FRMPD1: variants seen among roughly 807,000 people sequenced by gnomAD.
FRMPD1 encodes FERM and PDZ domain containing 1.
A neutral mutation model predicts 117.8 loss-of-function variants in FRMPD1; 76 were observed. The ratio of observed to expected loss-of-function variants is 0.65; its 90% CI spans 0.54 to 0.78. The LOEUF (loss-of-function observed/expected upper bound fraction) is 0.78. Among genes scored for constraint, FRMPD1 ranks in the 30% least tolerant of loss-of-function variants. FRMPD1 has a pLI of 0.00. For synonymous variants in FRMPD1, 783 were observed against 770.4 expected (o/e 1.02, Z -0.27); for missense variants, 1,786 against 1,964.5 (o/e 0.91, Z 1.72).
chr9:37,614,488 G>A, the FRMPD1 span, among the ~76,000 whole-genome samples: 1 of 152,200 alleles, frequency 6.6e-6, no homozygotes, highest in African/African-American at 2.4e-5. Flanking sequence ...CAAAAGGCAT[G>A]GTGTGGACAA....
At chr9:37,632,320 C>T in the FRMPD1 span, among the ~76,000 whole-genome samples, 1 of 152,152 alleles carries the variant, frequency 6.6e-6, no homozygotes, top group Non-Finnish European at 1.5e-5. Flanking sequence ...TGGGCCTATT[C>T]GTGGTGTTTT....
chr9:37,694,796 T>G (rs1261994301), intron 2 of FRMPD1, among the ~76,000 whole-genome samples: 2 of 152,214 alleles, frequency 1.3e-5, no homozygotes, highest in African/African-American at 4.8e-5. Flanking sequence ...CTTAGCATAA[T>G]ATATTATTTT....
intron 1 of FRMPD1, among the ~76,000 whole-genome samples, chr9:37,674,813 A>G (rs999585631): frequency 3.9e-5 from 6 of 152,284 alleles, no homozygotes; most frequent in South Asian, 2.1e-4. Context: ...ACTAGCCCCT[A>G]TGATTCAGTT....
intron 6 of FRMPD1, among the ~76,000 whole-genome samples, chr9:37,722,439 C>T (rs898280221): frequency 6.6e-6 from 1 of 152,142 alleles, no homozygotes; most frequent in African/African-American, 2.4e-5. Context: ...TGGAGTTTTG[C>T]TCCTGTCGCC....
At chr9:37,640,432 G>T in the FRMPD1 span, among the ~76,000 whole-genome samples, 3 of 152,164 alleles carry the variant, frequency 2.0e-5, no homozygotes, top group Non-Finnish European at 4.4e-5. Context: ...CTGCACTAAT[G>T]GACACATTAG....
At chr9:37,659,552 T>C (rs1820934606) in intron 1 of FRMPD1, among the ~76,000 whole-genome samples, 2 of 152,116 alleles carry the variant, frequency 1.3e-5, no homozygotes, top group South Asian at 4.2e-4. Context: ...TTCTCAGACG[T>C]AGGGAAGATC....
chr9:37,692,500 T>G (rs1240780229), intron 1 of FRMPD1, 138 bp from the exon 2 acceptor site: 30 of 660,828 alleles, frequency 4.5e-5, no homozygotes, highest in Middle Eastern at 3.5e-4. Context: ...TTATGTTGAT[T>G]TTAGACTAAG....
At chr9:37,631,699 G>A in the FRMPD1 span, among the ~76,000 whole-genome samples, 1 of 152,146 alleles carries the variant, frequency 6.6e-6, no homozygotes, top group African/African-American at 2.4e-5. Flanking sequence ...GACCTCCTGG[G>A]CTCAAGCAAT....
intron 1 of FRMPD1, chr9:37,669,664 AC>A (rs1445298440): frequency 1.3e-5 from 2 of 152,170 alleles, no homozygotes; most frequent in Admixed American, 1.3e-4. Flanking sequence ...ATACACACAC[AC>A]CTAGCAGGAG....
the FRMPD1 span, chr9:37,637,052 GC>G: frequency 4.5e-6 from 7 of 1,544,642 alleles, no homozygotes; most frequent in African/African-American, 1.4e-5. Context: ...GAAGCCATGA[GC>G]CCCCCGGTAG....
chr9:37,673,172 C>G (rs547653896), intron 1 of FRMPD1, among the ~76,000 whole-genome samples: 2 of 152,288 alleles, frequency 1.3e-5, no homozygotes, highest in South Asian at 4.1e-4. Flanking sequence ...CTAGTTACTT[C>G]CTAGATACAA....
At chr9:37,666,081 G>C (rs780839122) in intron 1 of FRMPD1, among the ~76,000 whole-genome samples, 1 of 152,146 alleles carries the variant, frequency 6.6e-6, no homozygotes, top group Non-Finnish European at 1.5e-5. Flanking sequence ...GTTCTTGGGT[G>C]AGAAGCTGAT....
At chr9:37,727,034 C>T (rs1823646860) in intron 7 of FRMPD1, among the ~76,000 whole-genome samples, 1 of 152,134 alleles carries the variant, frequency 6.6e-6, no homozygotes, top group Admixed American at 6.5e-5. Context: ...CGAACAACAC[C>T]AACAAAGATC....
the FRMPD1 span, chr9:37,637,267 A>C: frequency 6.2e-7 from 1 of 1,602,680 alleles, no homozygotes; most frequent in Non-Finnish European, 8.5e-7. Context: ...AAAGCAGCTT[A>C]AACAGGCAGT....
intron 5 of FRMPD1, among the ~76,000 whole-genome samples, chr9:37,715,840 G>A (rs576298490): frequency 6.4e-4 from 97 of 152,252 alleles, no homozygotes; most frequent in African/African-American, 2.2e-3. Flanking sequence ...TTCATGGTTG[G>A]GTGGTTCCAA....
chr9:37,693,033 TACTCATACGC>T lies in FRMPD1; in HGVS notation c.101+294_101+303del. 6.4e-6 allele frequency: 3 copies of T among 466,716 alleles called. No homozygotes were observed. In the South Asian group the frequency reaches 7.4e-5, roughly 12 times the overall value. The allele number at this position is 466,716 out of a possible 1,614,324, so 28.9% of individuals were successfully genotyped here. ...ATACACACAGAAATACACTCATACATACTCATACGCACATGCATATACACTCTCTGGAGCA... is the reference window on the plus strand; with the variant it reads ...ATACACACAGAAATACACTCATACATACATGCATATACACTCTCTGGAGCA... On this transcript the variant is annotated intron_variant, in intron 2 of 15. Transcript: ENST00000377765.
chr9:37,636,695 C>T, the FRMPD1 span: 1 of 1,556,742 alleles, frequency 6.4e-7, no homozygotes, highest in African/African-American at 1.4e-5. Context: ...CTCCTAGCAA[C>T]AACCACCGCC....
At chr9:37,624,685 A>T in the FRMPD1 span, among the ~76,000 whole-genome samples, 1 of 152,210 alleles carries the variant, frequency 6.6e-6, no homozygotes, top group Non-Finnish European at 1.5e-5. Context: ...AAAATGAGAT[A>T]CAGGAATAAA....
chr9:37,603,645 TTTTTGTTTTG>T, the FRMPD1 span, among the ~76,000 whole-genome samples: 3 of 151,578 alleles, frequency 2.0e-5, no homozygotes, highest in South Asian at 2.1e-4. Flanking sequence ...GCTAATAGGT[TTTTTGTTTTG>T]TTTTGTTTTG....
Sources: gnomAD v4.1 joint callset for allele counts (sites outside exome capture counted in the v4.1 genomes callset) on GRCh38, gnomAD v4.1.1 for gene constraint, MANE v1.5 for transcripts, NCBI Gene and HGNC (gene_info 2026-07-23, HGNC 2026-07-21) for gene names.